Variants in LRIG2 observed in about 807,000 individuals in gnomAD.
The protein encoded by LRIG2 is leucine-rich repeats and immunoglobulin-like domains protein 2.
Under a neutral mutation model 107.8 loss-of-function variants are expected in LRIG2, and 93 were observed. The ratio of observed to expected loss-of-function variants is 0.86; its 90% CI spans 0.73 to 1.03. The LOEUF (loss-of-function observed/expected upper bound fraction) is 1.03, where lower values mean the gene tolerates loss of function less well. LRIG2 is among the 50% of genes least tolerant of loss of function. LRIG2 has a pLI of 0.00. For missense variants in LRIG2, 1,226 were observed against 1,296.0 expected (o/e 0.95, Z 0.83); for synonymous variants, 471 against 470.6 (o/e 1.00, Z -0.01).
chr1:113,112,363 A>C, intron 13 of LRIG2, 116 bp from the exon 14 acceptor site: 1 of 919,246 alleles, frequency 1.1e-6, no homozygotes, highest in Non-Finnish European at 1.6e-6. Context: ...TGTCTTCACA[A>C]AGAAATGGAA....
At chr1:113,080,304 C>T (rs192977576) in intron 1 of LRIG2, among the ~76,000 whole-genome samples, 106 of 152,244 alleles carry the variant, frequency 7.0e-4, no homozygotes, top group African/African-American at 2.2e-3. Context: ...CAGGCGTGAG[C>T]CACTGCCCCC....
chr1:113,078,170 A>G (rs1653074043), intron 1 of LRIG2, among the ~76,000 whole-genome samples: 2 of 151,628 alleles, frequency 1.3e-5, no homozygotes, highest in South Asian at 4.2e-4. Context: ...AGTCTTTGCT[A>G]TTGTGAATAG....
In LRIG2 at chr1:113,073,609, C is replaced by T; in HGVS notation, c.203C>T (p.Ala68Val). 5 of 1,613,520 alleles carry T rather than the reference C, an allele frequency of 3.1e-6. No homozygotes were observed. Among genetic ancestry groups the T allele is most frequent in the African/African-American group, 1.3e-5 (1 of 75,040 alleles). ...AAATTGCCCGCACCGAGCTGGAGGG[C>T]GCTGTCGGGCTTGCTGCCCCCCGAC... ...RRKLPAPSWR[A>V]LSGLLPPDTA... Residue 68 changes from alanine to valine, a missense_variant, in exon 1 of 18, where the codon GCG (alanine) becomes GTG (valine). This residue lies in a region of LRIG2 where 570 missense variants were observed against 550.2 expected (regional missense o/e 1.04). Transcript: ENST00000361127.
At chr1:113,091,250 GT>G in intron 1 of LRIG2, 67 bp from the exon 2 acceptor site, 1 of 1,075,336 alleles carries the variant, frequency 9.3e-7, no homozygotes, top group South Asian at 1.5e-5. Flanking sequence ...TTTCTATTTA[GT>G]TTCTTTTTTT....
At chr1:113,102,399 GCTGGGACTA>G (rs997042466) in intron 11 of LRIG2, among the ~76,000 whole-genome samples, 101 of 151,910 alleles carry the variant, frequency 6.6e-4, no homozygotes, top group African/African-American at 2.2e-3. Flanking sequence ...CCCCTGAGTA[GCTGGGACTA>G]CAGGTGCCCC....
intron 6 of LRIG2, among the ~76,000 whole-genome samples, chr1:113,095,117 C>T (rs1023086090): frequency 6.7e-4 from 101 of 151,820 alleles, no homozygotes; most frequent in African/African-American, 2.2e-3. Flanking sequence ...GGATTACAGG[C>T]GTGTGCCACC....
chr1:113,102,999 G>GC (rs1553229206), intron 11 of LRIG2, among the ~76,000 whole-genome samples: 2 of 86,908 alleles, frequency 2.3e-5, no homozygotes, highest in African/African-American at 1.3e-4. Flanking sequence ...AGTATACTCC[G>GC]CCCCCCTCCT....
At chr1:113,113,708 A>G (rs1654877230) in intron 14 of LRIG2, among the ~76,000 whole-genome samples, 1 of 151,858 alleles carries the variant, frequency 6.6e-6, no homozygotes. Context: ...TACTACAGGC[A>G]TGTACCACTG....
chr1:113,083,218 CTT>C (rs11321902), intron 1 of LRIG2, among the ~76,000 whole-genome samples: 371 of 112,334 alleles, frequency 3.3e-3, no homozygotes, highest in East Asian at 8.8e-3. Context: ...CTACTGCACA[CTT>C]TTTTTTTTTT....
intron 1 of LRIG2, among the ~76,000 whole-genome samples, chr1:113,076,218 C>G (rs1208909440): frequency 6.6e-6 from 1 of 152,112 alleles, no homozygotes; most frequent in Non-Finnish European, 1.5e-5. Flanking sequence ...GTTGGCCAGG[C>G]TGGTCTTGAA....
Position 113,126,789 on chromosome 1 carries a change from A to G in LRIG2, c.*2688A>G, listed in dbSNP as rs1349156445. The G allele has an allele frequency of 1.9e-5, 3 of 162,048 alleles. No individual in the cohort carries two copies. The highest frequency in any genetic ancestry group is 7.3e-5 in the African/African-American group (3 of 41,310). 10.0% of individuals were successfully genotyped at this position (162,048 alleles called of 1,614,324 possible). A position where few individuals can be genotyped will look rare whatever the true frequency, so the allele number is the denominator to read the frequency against. ...TTAATTTGTTGTAACCTTCTCAGCA[A>G]CTCTTCTGTACTTCACCTATAGTGC... On this transcript the variant is annotated 3_prime_UTR_variant, in exon 18 of 18. Transcript: ENST00000361127.
chr1:113,086,131 G>A (rs1653540546), intron 1 of LRIG2, among the ~76,000 whole-genome samples: 1 of 149,090 alleles, frequency 6.7e-6, no homozygotes, highest in African/African-American at 2.5e-5. Context: ...CAGCCTCTGA[G>A]TAGCTGGGAT....
intron 11 of LRIG2, among the ~76,000 whole-genome samples, chr1:113,104,948 C>T (rs1353322053): frequency 1.3e-5 from 2 of 152,078 alleles, no homozygotes; most frequent in Non-Finnish European, 2.9e-5. Flanking sequence ...GAGTTCGAGA[C>T]CAGCCTGGCC....
intron 9 of LRIG2, 142 bp from the exon 10 acceptor site, chr1:113,100,069 G>T: frequency 4.2e-6 from 2 of 481,466 alleles, no homozygotes; most frequent in East Asian, 3.1e-5. Flanking sequence ...GTAGTTTTTA[G>T]TATATCAATT....
At chr1:113,095,276 G>C (rs1188945330) in intron 6 of LRIG2, among the ~76,000 whole-genome samples, 2 of 144,656 alleles carry the variant, frequency 1.4e-5, no homozygotes, top group Admixed American at 1.4e-4. Flanking sequence ...CGGCCAAAAA[G>C]TTTATATTCT....
At position 113,099,244 on chromosome 1, in the gene LRIG2, C is replaced by CTTTTTTTTTTTT. The variant is rs984786053; in HGVS notation, c.1172+470_1172+471insTTTTTTTTTTTT. On this transcript the variant is annotated intron_variant, in intron 9 of 17. Coordinates refer to ENST00000361127, the MANE Select transcript of LRIG2 (RefSeq NM_014813.3). ...GCCACTGAACTTGGCTGGTTTTTTT[C>CTTTTTTTTTTTT]TTTTTTTTTTTGAGACAGGGTCTTG... 7.9e-4 allele frequency among the ~76,000 whole-genome samples: 93 copies of CTTTTTTTTTTTT among 117,896 alleles called. 6 individuals carry two copies. The highest frequency in any genetic ancestry group is 1.9e-3 in the African/African-American group (59 of 31,488). The allele number at this position is 117,896 out of a possible 152,430, so 77.3% of individuals were successfully genotyped here.
intron 1 of LRIG2, among the ~76,000 whole-genome samples, chr1:113,074,758 A>C (rs1043820253): frequency 2.6e-5 from 4 of 151,448 alleles, no homozygotes; most frequent in Non-Finnish European, 5.9e-5. Context: ...AATACAAAAA[A>C]ATTAGCTGGG....
At position 113,128,958 on chromosome 1, in the gene LRIG2, G is replaced by A. The variant is rs890840277; in HGVS notation, c.*4857G>A. On this transcript the variant is annotated 3_prime_UTR_variant, in exon 18 of 18. Transcript: ENST00000361127. ...AATTAGGGCTAGGCTGCCAGAGACT[G>A]TGCCAATGAGCATCACCCGTCATGT... The A allele has an allele frequency of 2.6e-5, 4 of 152,134 alleles. No homozygotes were observed. Among genetic ancestry groups the A allele is most frequent in the African/African-American group, 9.7e-5 (4 of 41,438 alleles). 9.4% of individuals were successfully genotyped at this position (152,134 alleles called of 1,614,324 possible). A position where few individuals can be genotyped will look rare whatever the true frequency, so the allele number is the denominator to read the frequency against.
At chr1:113,117,921 G>GT (rs1655086522) in intron 16 of LRIG2, among the ~76,000 whole-genome samples, 1 of 149,952 alleles carries the variant, frequency 6.7e-6, no homozygotes, top group African/African-American at 2.4e-5. Flanking sequence ...TTTTTTGTTT[G>GT]TTTTTTGGTT....
Sources: allele counts gnomAD v4.1 joint callset (sites outside exome capture counted in the v4.1 genomes callset), GRCh38; gene constraint gnomAD v4.1.1; regional missense constraint gnomAD v4.1.1; transcripts MANE v1.5; gene names NCBI Gene and HGNC (gene_info 2026-07-23, HGNC 2026-07-21).